Variants in NECTIN4 observed in about 807,000 individuals in gnomAD.
NECTIN4 encodes the protein nectin cell adhesion molecule 4.
Under a neutral mutation model 51.7 loss-of-function variants are expected in NECTIN4, and 19 were observed. That is an observed-to-expected ratio of 0.37 (90% CI 0.26 to 0.54). The LOEUF (loss-of-function observed/expected upper bound fraction) is 0.54. Ranked by LOEUF, NECTIN4 falls within the 20% of genes least tolerant of loss-of-function variation. NECTIN4 has a pLI of 0.86. For synonymous variants in NECTIN4, 283 were observed against 286.9 expected, an observed-to-expected ratio of 0.99 and a Z score of 0.14; for missense variants, 619 against 662.4, an observed-to-expected ratio of 0.93 and a Z score of 0.72.
intron 2 of NECTIN4, among the ~76,000 whole-genome samples, chr1:161,078,496 T>C (rs887637354): frequency 5.9e-5 from 9 of 151,672 alleles, no homozygotes; most frequent in African/African-American, 2.2e-4. Context: ...TTAGTAGAGA[T>C]GGGGTTTCAC....
intron 3 of NECTIN4, among the ~76,000 whole-genome samples, chr1:161,077,203 T>C (rs2101662591): frequency 1.3e-5 from 2 of 152,328 alleles, no homozygotes; most frequent in Non-Finnish European, 2.9e-5. Flanking sequence ...ATGTTTCTAA[T>C]TGATTCTCCC....
At chr1:161,085,726 T>G (rs1322073020) in intron 1 of NECTIN4, among the ~76,000 whole-genome samples, 1 of 142,438 alleles carries the variant, frequency 7.0e-6, no homozygotes. Flanking sequence ...TGACACAGAG[T>G]CTCACTCTGT....
chr1:161,089,248 G>T lies in NECTIN4; in HGVS notation c.49C>A (p.Leu17Met). The T allele has an allele frequency of 6.2e-7, 1 of 1,612,432 alleles. No individual in the cohort carries two copies. The highest frequency in any genetic ancestry group is 8.5e-7 in the Non-Finnish European group (1 of 1,180,000). Residue 17 changes from leucine to methionine, a missense_variant, in exon 1 of 9, where the codon CTG becomes ATG. Physicochemically the swap from Leu to Met is conservative, Grantham distance 15. This residue lies in a region of NECTIN4 where 218 missense variants were observed against 186.3 expected (regional missense o/e 1.17). Coordinates refer to ENST00000368012, the MANE Select transcript of NECTIN4 (RefSeq NM_030916.3). This position sits in a 1 kb window ranked among gnomAD's most constrained non-coding sequence, Gnocchi z 4.1. ...AATGATGCCAGCAGTAGCAGCAGCAGCAGCCAGGCCTCAGGCCCCCACATC... is the reference window on the plus strand; with the variant it reads ...AATGATGCCAGCAGTAGCAGCAGCATCAGCCAGGCCTCAGGCCCCCACATC... ...AEMWGPEAWL[L>M]LLLLLASFTG... is the part of the protein sequence containing the mutation.
chr1:161,074,178 C>T, intron 6 of NECTIN4, 39 bp downstream of exon 6: 1 of 1,613,510 alleles, frequency 6.2e-7, no homozygotes, highest in African/African-American at 1.3e-5. Flanking sequence ...TCTTTGTTCT[C>T]AGCTTAGTTC....
chr1:161,076,563 C>A, intron 3 of NECTIN4, 88 bp from the exon 4 acceptor site: 3 of 1,549,368 alleles, frequency 1.9e-6, no homozygotes, highest in Non-Finnish European at 2.6e-6. Flanking sequence ...CCCCACCCTG[C>A]CTGAAACACC....
chr1:161,084,883 G>C (rs1295479516), intron 1 of NECTIN4: 1 of 152,004 alleles, frequency 6.6e-6, no homozygotes, highest in Non-Finnish European at 1.5e-5. Flanking sequence ...AGGGGTCCAG[G>C]CTGTCTAGGG....
intron 1 of NECTIN4, among the ~76,000 whole-genome samples, chr1:161,085,751 T>A (rs140176080): frequency 1.3e-3 from 189 of 147,090 alleles, no homozygotes; most frequent in African/African-American, 4.6e-3. Context: ...CAGGCTAGAG[T>A]GTAGTGGCGC....
intron 7 of NECTIN4, 54 bp from the exon 8 acceptor site, chr1:161,073,353 G>A: frequency 6.8e-7 from 1 of 1,477,794 alleles, no homozygotes; most frequent in Non-Finnish European, 9.4e-7. Flanking sequence ...CCTCCCCTCA[G>A]CCTCTTCCCC....
chr1:161,077,586 G>A lies in NECTIN4; in HGVS notation c.597C>T (p.Ser199=), dbSNP rs577110790. 1.4e-5 allele frequency: 23 copies of A among 1,613,960 alleles called. No individual in the cohort carries two copies. In the Admixed American group the frequency reaches 3.3e-4, roughly 23 times the overall value. Residue 199 remains serine, a synonymous_variant, in exon 3 of 9, where the codon TCC becomes TCT. Transcript: ENST00000368012. ...ACTCTGAGGTGACGGCAGCAGAGCG[G>A]GAGTGCTTGAAGGAACGGCTGGACG... The part of the protein sequence containing the change: ...GTTSSRSFKH[S]RSAAVTSEFH...
chr1:161,084,028 G>C (rs1000010464), intron 1 of NECTIN4, among the ~76,000 whole-genome samples: 2 of 152,228 alleles, frequency 1.3e-5, no homozygotes, highest in African/African-American at 2.4e-5. Flanking sequence ...GGGACTTACA[G>C]ATGTGAATGT....
At chr1:161,083,143 G>C (rs935304072) in intron 1 of NECTIN4, among the ~76,000 whole-genome samples, 1 of 152,110 alleles carries the variant, frequency 6.6e-6, no homozygotes, top group Non-Finnish European at 1.5e-5. Flanking sequence ...AAGCTTCACA[G>C]ACCGAGGAAC....
chr1:161,082,735 C>G (rs1490662268), intron 1 of NECTIN4, among the ~76,000 whole-genome samples: 2 of 152,112 alleles, frequency 1.3e-5, no homozygotes, highest in African/African-American at 4.8e-5. Flanking sequence ...TAACCACCCG[C>G]ACCCCTCCCA....
chr1:161,088,667 C>T (rs2101684269), intron 1 of NECTIN4, among the ~76,000 whole-genome samples: 1 of 152,212 alleles, frequency 6.6e-6, no homozygotes, highest in African/African-American at 2.4e-5. Flanking sequence ...CTCCTATAGT[C>T]CCCAACAGGT....
Position 161,073,770 on chromosome 1 carries a change from C to T in NECTIN4, c.1183G>A (p.Glu395Lys), listed in dbSNP as rs1368942745. ...GAATGCAGCCTCCGGATGGAGTTCT[C>T]CCTGGTCAGGGTCAGCTCCTCCTCA... is the stretch of plus-strand genomic sequence containing the variant. ...KYEEELTLTR[E>K]NSIRRLHSHH... The change falls in exon 7 of 9, where the codon GAG becomes AAG. Residue 395 changes from glutamate (E) to lysine (K), a missense_variant. Glu to Lys is a moderately conservative substitution (Grantham distance 56, BLOSUM62 1). Transcript: ENST00000368012. 3 of 1,614,184 alleles carry T rather than the reference C, an allele frequency of 1.9e-6. No homozygotes were observed. Among genetic ancestry groups the T allele is most frequent in the Non-Finnish European group, 8.5e-7 (1 of 1,180,022 alleles).
At chr1:161,088,158 C>A (rs1317308912) in intron 1 of NECTIN4, among the ~76,000 whole-genome samples, 1 of 152,162 alleles carries the variant, frequency 6.6e-6, no homozygotes, top group African/African-American at 2.4e-5. Flanking sequence ...CACCAATCCA[C>A]ACATCTAGGC....
Position 161,077,629 on chromosome 1 carries a change from G to A in NECTIN4, c.554C>T (p.Thr185Met), listed in dbSNP as rs267606992. The A allele has an allele frequency of 2.5e-6, 4 of 1,613,594 alleles. No individual in the cohort carries two copies. The highest frequency in any genetic ancestry group is 3.4e-6 in the Non-Finnish European group (4 of 1,180,060). The change falls in exon 3 of 9, where the codon ACG (threonine) becomes ATG (methionine). Residue 185 changes from threonine (T) to methionine (M), a missense_variant. By Grantham distance (81) the Thr-to-Met change is moderately conservative. Around this residue, in one of 3 missense-constraint regions of NECTIN4, gnomAD observed 37 missense variants for 60.3 expected, o/e 0.61. Coordinates refer to ENST00000368012, the MANE Select transcript of NECTIN4 (RefSeq NM_030916.3). ...GSPAPSVTWD[T>M]EVKGTTSSRS... ...GCTGGACGTTGTGCCTTTGACCTCC[G>A]TGTCCCAGGTCACGCTGGGGGCTGG... is the stretch of plus-strand genomic sequence containing the variant.
chr1:161,073,154 G>A (rs891615158), intron 8 of NECTIN4, 71 bp downstream of exon 8: 44 of 1,360,076 alleles, frequency 3.2e-5, no homozygotes, highest in Non-Finnish European at 4.2e-5. Flanking sequence ...GGCTGCTGAC[G>A]CACCATATCT....
chr1:161,077,900 C>T (rs2101663967), intron 2 of NECTIN4, among the ~76,000 whole-genome samples, 157 bp from the exon 3 acceptor site: 1 of 152,232 alleles, frequency 6.6e-6, no homozygotes, highest in South Asian at 2.1e-4. Flanking sequence ...ATTCAGGTGA[C>T]TTTGTATCCT....
intron 1 of NECTIN4, among the ~76,000 whole-genome samples, chr1:161,082,344 A>T (rs756615337): frequency 2.6e-5 from 4 of 152,008 alleles, no homozygotes; most frequent in Non-Finnish European, 5.9e-5. Flanking sequence ...ACCAAAAAAA[A>T]TGAGGAGGAA....
Sources: allele counts gnomAD v4.1 joint callset (sites outside exome capture counted in the v4.1 genomes callset), GRCh38; gene constraint gnomAD v4.1.1; regional missense constraint gnomAD v4.1.1; non-coding constraint Gnocchi (gnomAD v3.1); transcripts MANE v1.5; gene names NCBI Gene and HGNC (gene_info 2026-07-23, HGNC 2026-07-21).